Variants in CCSER1 observed in about 807,000 individuals in gnomAD.
CCSER1 encodes serine-rich coiled-coil domain-containing protein 1.
Under a neutral mutation model 82.0 loss-of-function variants are expected in CCSER1, and 41 were observed. The ratio of observed to expected loss-of-function variants is 0.50; its 90% CI spans 0.39 to 0.65. CCSER1 has a LOEUF of 0.65. Ranked by LOEUF, CCSER1 falls within the 30% of genes least tolerant of loss-of-function variation. The pLI is 0.00. For missense variants in CCSER1, 1,119 were observed against 1,064.2 expected (o/e 1.05, Z -0.72); for synonymous variants, 414 against 383.9 (o/e 1.08, Z -0.92).
intron 5 of CCSER1, among the ~76,000 whole-genome samples, chr4:90,555,052 T>C (rs1002548225): frequency 2.0e-5 from 3 of 152,178 alleles, no homozygotes; most frequent in Non-Finnish European, 4.4e-5. Context: ...AATTACCATG[T>C]TCTCAGTGGG....
At chr4:91,023,048 C>G (rs1400956939) in intron 9 of CCSER1, among the ~76,000 whole-genome samples, 23 of 152,004 alleles carry the variant, frequency 1.5e-4, no homozygotes, top group Admixed American at 1.5e-3. Context: ...GCTTTTGTTG[C>G]CATTGCTTTT....
chr4:90,326,988 C>T (rs1237766810), intron 3 of CCSER1, among the ~76,000 whole-genome samples: 2 of 152,148 alleles, frequency 1.3e-5, no homozygotes, highest in East Asian at 1.9e-4. Flanking sequence ...TTTTCATAAG[C>T]AATTCAGACA....
intron 9 of CCSER1, among the ~76,000 whole-genome samples, chr4:91,058,217 C>T (rs1743623185): frequency 6.6e-6 from 1 of 151,858 alleles, no homozygotes; most frequent in Admixed American, 6.6e-5. Flanking sequence ...CTCTATGTGT[C>T]CATGTGTTCT....
At chr4:90,913,641 A>G (rs1212410757) in intron 8 of CCSER1, among the ~76,000 whole-genome samples, 2 of 152,186 alleles carry the variant, frequency 1.3e-5, no homozygotes, top group Non-Finnish European at 2.9e-5. Context: ...ACACATAACA[A>G]TATTAACCTT....
intron 3 of CCSER1, among the ~76,000 whole-genome samples, chr4:90,395,511 A>C (rs1023748790): frequency 6.6e-6 from 1 of 152,074 alleles, no homozygotes; most frequent in African/African-American, 2.4e-5. Flanking sequence ...CATCTCTTAA[A>C]TGTTAAAATT....
At chr4:90,532,806 T>C (rs1044826907) in intron 5 of CCSER1, among the ~76,000 whole-genome samples, 7 of 152,312 alleles carry the variant, frequency 4.6e-5, no homozygotes, top group African/African-American at 1.4e-4. Context: ...CGTCCCACTA[T>C]GTACAAATAG....
chr4:90,564,946 C>T (rs1779193960), intron 5 of CCSER1, among the ~76,000 whole-genome samples: 1 of 151,922 alleles, frequency 6.6e-6, no homozygotes, highest in Non-Finnish European at 1.5e-5. Flanking sequence ...TGTTTTGAAG[C>T]CAGGTAGTAT....
At chr4:90,523,943 G>T (rs948041426) in intron 5 of CCSER1, among the ~76,000 whole-genome samples, 1 of 152,098 alleles carries the variant, frequency 6.6e-6, no homozygotes, top group Non-Finnish European at 1.5e-5. Context: ...TGTACATGAA[G>T]TTGAAAACCT....
intron 9 of CCSER1, among the ~76,000 whole-genome samples, chr4:90,993,830 G>A (rs565956628): frequency 5.3e-5 from 8 of 152,074 alleles, no homozygotes; most frequent in African/African-American, 1.4e-4. Context: ...TTCAACATAC[G>A]AATTTTGAGA....
chr4:91,242,476 A>G (rs1326417580), intron 10 of CCSER1, among the ~76,000 whole-genome samples: 1 of 152,200 alleles, frequency 6.6e-6, no homozygotes, highest in Non-Finnish European at 1.5e-5. Context: ...CAGACCTTAC[A>G]TCTTTCATAA....
chr4:91,168,776 AAAAG>A (rs1400038352), intron 10 of CCSER1, among the ~76,000 whole-genome samples: 1 of 151,862 alleles, frequency 6.6e-6, no homozygotes, highest in African/African-American at 2.4e-5. Flanking sequence ...AAATGTGGGG[AAAAG>A]AAAGAGAGAT....
chr4:91,341,542 TG>T (rs1747719711), intron 10 of CCSER1, among the ~76,000 whole-genome samples: 2 of 152,242 alleles, frequency 1.3e-5, no homozygotes, highest in African/African-American at 4.8e-5. Flanking sequence ...GTTTTTTGGT[TG>T]TTTGTTTTGT....
intron 10 of CCSER1, among the ~76,000 whole-genome samples, chr4:91,525,090 A>G (rs1760705903): frequency 6.6e-6 from 1 of 152,128 alleles, no homozygotes; most frequent in Non-Finnish European, 1.5e-5. Flanking sequence ...TAATACGAGA[A>G]TCTCCACAGT....
At chr4:91,266,377 G>A (rs1005533136) in intron 10 of CCSER1, among the ~76,000 whole-genome samples, 3 of 151,658 alleles carry the variant, frequency 2.0e-5, no homozygotes, top group Non-Finnish European at 4.4e-5. Flanking sequence ...CTCAGCCTCC[G>A]AGTAGCTGGG....
At chr4:91,164,273 C>T (rs1414484480) in intron 10 of CCSER1, among the ~76,000 whole-genome samples, 1 of 152,156 alleles carries the variant, frequency 6.6e-6, no homozygotes, top group African/African-American at 2.4e-5. Context: ...TTTTTTCTGG[C>T]TTGCAGGGTT....
At chr4:90,754,831 T>C (rs1228952894) in intron 7 of CCSER1, among the ~76,000 whole-genome samples, 1 of 152,178 alleles carries the variant, frequency 6.6e-6, no homozygotes, top group East Asian at 1.9e-4. Context: ...TTGAATTTAA[T>C]CTTACACATA....
At chr4:90,866,870 A>G (rs1765789144) in intron 8 of CCSER1, among the ~76,000 whole-genome samples, 2 of 152,066 alleles carry the variant, frequency 1.3e-5, no homozygotes, top group Admixed American at 1.3e-4. Context: ...AATCCCTTGT[A>G]TATCCAGTTC....
intron 6 of CCSER1, among the ~76,000 whole-genome samples, chr4:90,640,791 G>A (rs1312751601): frequency 6.6e-6 from 1 of 152,120 alleles, no homozygotes; most frequent in Non-Finnish European, 1.5e-5. Flanking sequence ...TTGTGAAGAA[G>A]GTGCCTTGCT....
chr4:91,331,033 G>A (rs1266777591), intron 10 of CCSER1, among the ~76,000 whole-genome samples: 3 of 152,070 alleles, frequency 2.0e-5, no homozygotes, highest in Non-Finnish European at 4.4e-5. Flanking sequence ...ACCATAGTGT[G>A]TGTAGCGTTC....
Sources: gnomAD v4.1 joint callset for allele counts (sites outside exome capture counted in the v4.1 genomes callset) on GRCh38, gnomAD v4.1.1 for gene constraint, MANE v1.5 for transcripts, NCBI Gene and HGNC (gene_info 2026-07-23, HGNC 2026-07-21) for gene names.